Variants in RGS5 observed in about 807,000 individuals in gnomAD.
RGS5 encodes the protein regulator of G-protein signalling 5.
RGS5 carries 20 observed loss-of-function variants against 18.9 expected under a neutral mutation model. The observed-to-expected ratio is 1.06, with a 90% CI of 0.74 to 1.54. RGS5 has a LOEUF of 1.54. RGS5 is among the 40% of genes most tolerant of loss of function. RGS5 has a pLI of 0.00. For missense variants in RGS5, 201 were observed against 211.8 expected, an observed-to-expected ratio of 0.95 and a Z score of 0.32; for synonymous variants, 57 against 76.2, an observed-to-expected ratio of 0.75 and a Z score of 1.31.
chr1:163,259,151 G>A (rs1289256546), intron 2 of RGS5, among the ~76,000 whole-genome samples: 2 of 144,412 alleles, frequency 1.4e-5, no homozygotes, highest in East Asian at 5.3e-4. Flanking sequence ...ATAAGACACA[G>A]TCTTAGTATT....
At chr1:163,205,345 TAAAAAA>T (rs35747068), upstream of RGS5, among the ~76,000 whole-genome samples, 109 of 72,724 alleles carry the variant, frequency 1.5e-3, 1 homozygote, top group African/African-American at 5.7e-3. Context: ...TTAACCACAG[TAAAAAA>T]AAAAAAAAAA....
At chr1:163,152,087 C>T (rs1657396513) in intron 4 of RGS5, among the ~76,000 whole-genome samples, 1 of 152,022 alleles carries the variant, frequency 6.6e-6, no homozygotes, top group Non-Finnish European at 1.5e-5. Context: ...TGGAATTTTC[C>T]ACTTGTGGCA....
chr1:163,195,194 C>T (rs139462322), intron 1 of RGS5, among the ~76,000 whole-genome samples: 2 of 152,240 alleles, frequency 1.3e-5, no homozygotes, highest in Non-Finnish European at 2.9e-5. Context: ...ACGTGCCCAT[C>T]GACCAGTGAG....
chr1:163,270,528 A>G (rs1254973821), intron 2 of RGS5, among the ~76,000 whole-genome samples: 1 of 152,004 alleles, frequency 6.6e-6, no homozygotes, highest in East Asian at 1.9e-4. Context: ...TAAAAAGGAA[A>G]AAATAAAAAT....
At chr1:163,269,963 T>A (rs145855279) in intron 2 of RGS5, among the ~76,000 whole-genome samples, 1 of 152,114 alleles carries the variant, frequency 6.6e-6, no homozygotes, top group East Asian at 1.9e-4. Flanking sequence ...ATAGAAGATC[T>A]CTATTATTAA....
chr1:163,152,285 T>A (rs1341131846), intron 4 of RGS5, among the ~76,000 whole-genome samples: 3 of 152,198 alleles, frequency 2.0e-5, no homozygotes, highest in African/African-American at 7.2e-5. Flanking sequence ...ACTCAACAAT[T>A]CATGCAAGAT....
intron 2 of RGS5, among the ~76,000 whole-genome samples, chr1:163,223,843 A>C (rs1647278659): frequency 6.6e-6 from 1 of 152,124 alleles, no homozygotes; most frequent in Non-Finnish European, 1.5e-5. Flanking sequence ...CCCCCATCCA[A>C]ATTTGCTGAG....
At chr1:163,191,575 C>T (rs755804241) in intron 1 of RGS5, among the ~76,000 whole-genome samples, 2 of 152,152 alleles carry the variant, frequency 1.3e-5, no homozygotes, top group Non-Finnish European at 2.9e-5. Context: ...CTTATTATGC[C>T]ATAGTCTAAC....
chr1:163,281,105 C>A (rs1035030746), intron 2 of RGS5, among the ~76,000 whole-genome samples: 5 of 152,070 alleles, frequency 3.3e-5, no homozygotes, highest in African/African-American at 4.8e-5. Flanking sequence ...GGGAGTTTCT[C>A]TGCACAAGTC....
intron 3 of RGS5, among the ~76,000 whole-genome samples, chr1:163,160,581 G>A (rs938199378): frequency 5.3e-5 from 8 of 152,196 alleles, no homozygotes; most frequent in Admixed American, 3.9e-4. Flanking sequence ...ATTAGAGACT[G>A]TGGGGTTCTG....
At position 163,309,286 on chromosome 1, in the gene RGS5, A is replaced by G. The variant is rs1040636585; in HGVS notation, c.-377-2957T>C. ...GACAACAAATGAAGTTGGCCACATCAGTTGACTTTTCCTTTCATGAAAGAT... is the reference window on the plus strand; with the variant it reads ...GACAACAAATGAAGTTGGCCACATCGGTTGACTTTTCCTTTCATGAAAGAT... On this transcript the variant is annotated intron_variant, in intron 1 of 5. Coordinates refer to the RGS5 transcript ENST00000618415. 3.3e-5 allele frequency among the ~76,000 whole-genome samples: 5 copies of G among 152,226 alleles called. No individual in the cohort carries two copies. In the East Asian group the frequency reaches 9.6e-4, roughly 29 times the overall value.
At chr1:163,241,351 T>C (rs1647787645) in intron 2 of RGS5, among the ~76,000 whole-genome samples, 1 of 152,328 alleles carries the variant, frequency 6.6e-6, no homozygotes, top group East Asian at 1.9e-4. Flanking sequence ...ATTTGAAATA[T>C]ATTATCTTCT....
Position 163,161,919 on chromosome 1 carries a change from G to A in RGS5, c.213C>T (p.Asn71=), listed in dbSNP as rs375928358. 10 of 1,612,606 alleles carry A rather than the reference G, an allele frequency of 6.2e-6. No homozygotes were observed. In the African/African-American group the frequency reaches 1.1e-4, roughly 17 times the overall value. Reference sequence around the variant, plus strand: ...AAACAAACAATGGAAACTTACAGTTGTTCTGCAGGAGTTTGTCCAGGGAAT... The same window carrying A: ...AAACAAACAATGGAAACTTACAGTTATTCTGCAGGAGTTTGTCCAGGGAAT... ...WRDSLDKLLQ[N]NYGLASFKSF... Residue 71 remains asparagine, a synonymous_variant, in exon 3 of 5, where the codon AAC becomes AAT. Transcript: ENST00000313961.
chr1:163,269,139 T>C (rs193289011), intron 2 of RGS5, among the ~76,000 whole-genome samples: 51 of 152,300 alleles, frequency 3.3e-4, no homozygotes, highest in African/African-American at 1.1e-3. Flanking sequence ...TTTTAAGTTC[T>C]ATGCAAATAT....
In RGS5 at chr1:163,143,079, G is replaced by T. The variant is rs1317242969; in HGVS notation, c.*4263C>A. 6.6e-6 allele frequency: 1 copy of T among 152,100 alleles called. No homozygotes were observed. Among genetic ancestry groups the T allele is most frequent in the African/African-American group, 2.4e-5 (1 of 41,440 alleles). The allele number at this position is 152,100 out of a possible 1,614,324, so 9.4% of individuals were successfully genotyped here. On this transcript the variant is annotated 3_prime_UTR_variant, in exon 5 of 5. Coordinates refer to ENST00000313961, the MANE Select transcript of RGS5 (RefSeq NM_003617.4). ...GGAAGAGTTGATCTTTTTAGTTTTG[G>T]GATGTGTAAGTGATGCTGGGAAAGC...
chr1:163,305,935 G>C (rs1437498429), intron 2 of RGS5, among the ~76,000 whole-genome samples: 1 of 152,164 alleles, frequency 6.6e-6, no homozygotes, highest in African/African-American at 2.4e-5. Context: ...GCTACCTTCA[G>C]ATCTGCTATG....
chr1:163,175,674 C>A (rs1658519901), intron 1 of RGS5, among the ~76,000 whole-genome samples: 1 of 152,158 alleles, frequency 6.6e-6, no homozygotes. Flanking sequence ...GTTTGAACTA[C>A]AGAAAATTCA....
chr1:163,217,070 CAG>C (rs1660235704), intron 1 of RGS5, among the ~76,000 whole-genome samples: 1 of 152,016 alleles, frequency 6.6e-6, no homozygotes, highest in African/African-American at 2.4e-5. Context: ...ACAACAGACA[CAG>C]GGGCCTACTT....
intron 1 of RGS5, among the ~76,000 whole-genome samples, chr1:163,178,799 C>T (rs1056206885): frequency 2.6e-5 from 4 of 152,080 alleles, no homozygotes; most frequent in Admixed American, 6.5e-5. Context: ...CCATGGAAAT[C>T]GTGAACAATA....
Sources: gnomAD v4.1 joint callset for allele counts (sites outside exome capture counted in the v4.1 genomes callset) on GRCh38, gnomAD v4.1.1 for gene constraint, MANE v1.5 for transcripts, NCBI Gene and HGNC (gene_info 2026-07-23, HGNC 2026-07-21) for gene names.